The following AKIRIN2 variants were observed in gnomAD, a reference collection of about 807,000 sequenced individuals.
AKIRIN2 encodes akirin-2.
AKIRIN2 carries 6 observed loss-of-function variants against 29.3 expected under a neutral mutation model. That is an observed-to-expected ratio of 0.20 (90% CI 0.11 to 0.40). The LOEUF (loss-of-function observed/expected upper bound fraction) is 0.40. Among genes scored for constraint, AKIRIN2 ranks in the 10% least tolerant of loss-of-function variants. AKIRIN2 has a pLI of 1.00. For missense variants in AKIRIN2, 210 were observed against 276.1 expected, an observed-to-expected ratio of 0.76 and a Z score of 1.70; for synonymous variants, 128 against 117.5, an observed-to-expected ratio of 1.09 and a Z score of -0.58.
chr6:87,678,890 C>T (rs1771070383), intron 2 of AKIRIN2, among the ~76,000 whole-genome samples: 1 of 151,934 alleles, frequency 6.6e-6, no homozygotes, highest in African/African-American at 2.4e-5. Flanking sequence ...ATTACCAGCA[C>T]TTTGGGAGGC....
intron 1 of AKIRIN2, among the ~76,000 whole-genome samples, chr6:87,683,144 A>G (rs555069989): frequency 2.6e-4 from 40 of 152,286 alleles, no homozygotes; most frequent in African/African-American, 9.4e-4. Flanking sequence ...CATTATTTAA[A>G]CTGAAAAAAA....
chr6:87,698,547 T>C (rs1422257323), intron 1 of AKIRIN2, among the ~76,000 whole-genome samples: 1 of 152,214 alleles, frequency 6.6e-6, no homozygotes, highest in East Asian at 1.9e-4. Flanking sequence ...CACAAAAATA[T>C]GGCTATACTT....
At chr6:87,701,423 C>A (rs1261421954) in intron 1 of AKIRIN2, 27 bp downstream of exon 1, 2 of 1,530,954 alleles carry the variant, frequency 1.3e-6, no homozygotes. Context: ...TCTCCACTAC[C>A]CCGGCGGCCG....
At chr6:87,686,773 C>T (rs938734506) in intron 1 of AKIRIN2, among the ~76,000 whole-genome samples, 5 of 152,012 alleles carry the variant, frequency 3.3e-5, no homozygotes, top group African/African-American at 7.3e-5. Flanking sequence ...TGGCCGGGCG[C>T]GGTAGTTCAT....
chr6:87,692,796 T>A (rs1045670523), intron 1 of AKIRIN2, among the ~76,000 whole-genome samples: 1 of 151,980 alleles, frequency 6.6e-6, no homozygotes, highest in African/African-American at 2.4e-5. Context: ...GGTGACAGAG[T>A]AAGACTCTTG....
At chr6:87,691,707 C>T (rs1771280789) in intron 1 of AKIRIN2, among the ~76,000 whole-genome samples, 1 of 151,988 alleles carries the variant, frequency 6.6e-6, no homozygotes, top group African/African-American at 2.4e-5. Flanking sequence ...GAGAAAAAGG[C>T]CATTTCAAAA....
At chr6:87,683,768 G>A (rs1261642255) in intron 1 of AKIRIN2, among the ~76,000 whole-genome samples, 1 of 151,954 alleles carries the variant, frequency 6.6e-6, no homozygotes, top group Non-Finnish European at 1.5e-5. Context: ...ATTCTCCTGC[G>A]TCAGCCTCCC....
intron 1 of AKIRIN2, among the ~76,000 whole-genome samples, chr6:87,688,631 T>C (rs1771229653): frequency 1.3e-5 from 2 of 152,172 alleles, no homozygotes; most frequent in South Asian, 4.2e-4. Context: ...GTGCCTGTAA[T>C]CCTAGTTATC....
At position 87,677,784 on chromosome 6, in the gene AKIRIN2, G is replaced by C. The variant is rs1455825843; in HGVS notation, c.529+34C>G. On this transcript the variant is annotated intron_variant, in intron 3 of 4. Coordinates refer to ENST00000257787, the MANE Select transcript of AKIRIN2 (RefSeq NM_018064.4). ...TGGAAAATGCATTTCACACAACTGA[G>C]TTCCTCAGAAACTCTAATAAACACA... The C allele has an allele frequency of 1.3e-6, 2 of 1,599,988 alleles. No individual in the cohort carries two copies. The highest frequency in any genetic ancestry group is 3.4e-5 in the Admixed American group (2 of 59,170).
Position 87,687,106 on chromosome 6 carries a change from T to C in AKIRIN2, c.236-5343A>G, listed in dbSNP as rs75833875. On this transcript the variant is annotated intron_variant, in intron 1 of 4. Coordinates refer to ENST00000257787, the MANE Select transcript of AKIRIN2 (RefSeq NM_018064.4). ...GTTCTAGTCAGGAACACAAATGATA[T>C]GGAAACCTGTACATAATTAAGTAAA... Among the ~76,000 whole-genome samples, 754 of 147,146 alleles carry C rather than the reference T, an allele frequency of 5.1e-3. 8 individuals are homozygous for C. Among genetic ancestry groups the C allele is most frequent in the African/African-American group, 0.018 (726 of 39,816 alleles).
In AKIRIN2 at chr6:87,701,566, G is replaced by T; in HGVS notation, c.119C>A (p.Pro40Gln). 2.1e-6 allele frequency: 3 copies of T among 1,414,704 alleles called. No individual in the cohort carries two copies. The highest frequency in any genetic ancestry group is 3.4e-5 in the Admixed American group (1 of 29,770). 87.6% of individuals were successfully genotyped at this position (1,414,704 alleles called of 1,614,324 possible). A position where few individuals can be genotyped will look rare whatever the true frequency, so the allele number is the denominator to read the frequency against. ...GGCGGTGGCCGCGGCCGCCGACAAC[G>T]GGGAGGCAGCGGCCGAGGTGGGCGC... Reference protein sequence around the residue: ...LSAPTSAAASPLSAAAATAAS... With the variant: ...LSAPTSAAASQLSAAAATAAS... The change falls in exon 1 of 5, where the codon CCG (proline) becomes CAG (glutamine). Residue 40 changes from proline (P) to glutamine (Q), a missense_variant. Physicochemically the swap from Pro to Gln is moderately conservative, Grantham distance 76. Coordinates refer to ENST00000257787, the MANE Select transcript of AKIRIN2 (RefSeq NM_018064.4).
intron 1 of AKIRIN2, among the ~76,000 whole-genome samples, chr6:87,694,484 A>C (rs1771328225): frequency 6.6e-6 from 1 of 152,212 alleles, no homozygotes. Flanking sequence ...TAGCCAGTGC[A>C]GTATCTAGAA....
intron 1 of AKIRIN2, among the ~76,000 whole-genome samples, chr6:87,698,145 C>G (rs2128303079): frequency 6.6e-6 from 1 of 152,278 alleles, no homozygotes; most frequent in Non-Finnish European, 1.5e-5. Flanking sequence ...TAGAGGCATT[C>G]ATTTCACCAA....
At chr6:87,676,221 C>G (rs1025630566) in intron 3 of AKIRIN2, among the ~76,000 whole-genome samples, 5 of 149,860 alleles carry the variant, frequency 3.3e-5, no homozygotes, top group Admixed American at 2.0e-4. Flanking sequence ...TCCAAGCACT[C>G]TGGGAGGCCG....
chr6:87,677,234 G>GT (rs1771029960), intron 3 of AKIRIN2, among the ~76,000 whole-genome samples: 1 of 152,016 alleles, frequency 6.6e-6, no homozygotes, highest in Non-Finnish European at 1.5e-5. Flanking sequence ...ACCTGATCAA[G>GT]TATCACAGAA....
At chr6:87,700,267 C>A (rs200138627) in intron 1 of AKIRIN2, among the ~76,000 whole-genome samples, 559 of 141,476 alleles carry the variant, frequency 4.0e-3, no homozygotes, top group Non-Finnish European at 4.0e-3. Context: ...TTAAATGTGA[C>A]AAAAAAAAAA....
At chr6:87,700,557 G>A (rs931410514) in intron 1 of AKIRIN2, 1 of 152,172 alleles carries the variant, frequency 6.6e-6, no homozygotes, top group African/African-American at 2.4e-5. Flanking sequence ...CTACAAAGCA[G>A]CCAAAAGACA....
intron 1 of AKIRIN2, among the ~76,000 whole-genome samples, chr6:87,692,868 T>G (rs548927149): frequency 6.6e-6 from 1 of 152,102 alleles, no homozygotes; most frequent in African/African-American, 2.4e-5. Context: ...GGAGTTAGAA[T>G]AGACATCAGT....
chr6:87,701,847 T>G lies in AKIRIN2; in HGVS notation c.-163A>C. The G allele has an allele frequency of 2.2e-6, 1 of 463,582 alleles. No individual in the cohort carries two copies. The highest frequency in any genetic ancestry group is 3.7e-6 in the Non-Finnish European group (1 of 271,186). 28.7% of individuals were successfully genotyped at this position (463,582 alleles called of 1,614,324 possible). A position where few individuals can be genotyped will look rare whatever the true frequency, so the allele number is the denominator to read the frequency against. Reference sequence around the variant, plus strand: ...CGCCGGCTGTGGAAAGGAGAGCCGCTGCCGCCGCTGCCTCCGCGGCAGGGG... The same window carrying G: ...CGCCGGCTGTGGAAAGGAGAGCCGCGGCCGCCGCTGCCTCCGCGGCAGGGG... On this transcript the variant is annotated 5_prime_UTR_variant, in exon 1 of 5. Transcript: ENST00000257787.
Sources: gnomAD v4.1 joint callset for allele counts (sites outside exome capture counted in the v4.1 genomes callset) on GRCh38, gnomAD v4.1.1 for gene constraint, MANE v1.5 for transcripts, NCBI Gene and HGNC (gene_info 2026-07-23, HGNC 2026-07-21) for gene names.